Variants in CEP83 observed in about 807,000 individuals in gnomAD.
The protein encoded by CEP83 is centrosomal protein of 83 kDa.
A neutral mutation model predicts 101.9 loss-of-function variants in CEP83; 70 were observed. The ratio of observed to expected loss-of-function variants is 0.69; its 90% CI spans 0.57 to 0.84. The LOEUF is 0.84. Ranked by LOEUF, CEP83 falls within the 40% of genes least tolerant of loss-of-function variation. The probability of loss-of-function intolerance (pLI) is 0.00; values close to 1 mark genes in which losing one functional copy is unlikely to be tolerated. For synonymous variants in CEP83, 264 were observed against 267.9 expected (o/e 0.99, Z 0.14); for missense variants, 715 against 787.2 (o/e 0.91, Z 1.10).
At chr12:94,423,363 T>A (rs529182150) in intron 2 of CEP83, among the ~76,000 whole-genome samples, 26 of 151,960 alleles carry the variant, frequency 1.7e-4, no homozygotes, top group Admixed American at 3.3e-4. Flanking sequence ...GGATTACAGG[T>A]GTGAGCCACC....
At chr12:94,355,017 A>AG (rs796285214) in intron 11 of CEP83, among the ~76,000 whole-genome samples, 8 of 152,016 alleles carry the variant, frequency 5.3e-5, no homozygotes, top group African/African-American at 1.9e-4. Context: ...ACAAAACAAA[A>AG]AAAAACAGAA....
At chr12:94,436,362 G>A (rs1264068032) in intron 1 of CEP83, among the ~76,000 whole-genome samples, 1 of 151,604 alleles carries the variant, frequency 6.6e-6, no homozygotes, top group Non-Finnish European at 1.5e-5. Flanking sequence ...GGATGAAAAA[G>A]TCTCCAGAGA....
chr12:94,401,013 T>C, intron 5 of CEP83, 32 bp from the exon 6 acceptor site: 1 of 1,265,930 alleles, frequency 7.9e-7, no homozygotes. Flanking sequence ...CATAGATTTA[T>C]AAACAAAATT....
At chr12:94,346,119 G>A (rs1318584591) in intron 11 of CEP83, among the ~76,000 whole-genome samples, 5 of 151,832 alleles carry the variant, frequency 3.3e-5, no homozygotes, top group African/African-American at 7.3e-5. Flanking sequence ...GGCCAATCTC[G>A]GCTCACTGCA....
intron 14 of CEP83, among the ~76,000 whole-genome samples, chr12:94,313,546 AAAG>A (rs1407507344): frequency 6.6e-6 from 1 of 150,808 alleles, no homozygotes; most frequent in African/African-American, 2.4e-5. Context: ...AAAAAAAAAA[AAAG>A]GGTGGGGAGC....
the CEP83 span, among the ~76,000 whole-genome samples, chr12:94,283,696 G>C: frequency 6.6e-6 from 1 of 152,192 alleles, no homozygotes; most frequent in Non-Finnish European, 1.5e-5. Context: ...GGAAGTCAAA[G>C]CTGTCTTCTT....
intron 8 of CEP83, among the ~76,000 whole-genome samples, chr12:94,372,555 A>T (rs1160777242): frequency 1.3e-5 from 2 of 152,232 alleles, no homozygotes; most frequent in Non-Finnish European, 1.5e-5. Flanking sequence ...GCATTTCATT[A>T]ACAAACATAC....
chr12:94,297,242 C>G, the CEP83 span: 4 of 1,613,836 alleles, frequency 2.5e-6, no homozygotes, highest in African/African-American at 1.3e-5. Context: ...CTTTCTTGTG[C>G]TCACCACTGA....
chr12:94,333,276 AT>A (rs921531245), intron 13 of CEP83, among the ~76,000 whole-genome samples: 77 of 152,040 alleles, frequency 5.1e-4, no homozygotes, highest in Non-Finnish European at 7.5e-4. Context: ...TAATGTCTTA[AT>A]TTTTTTAAAA....
At chr12:94,424,515 C>G (rs981305293) in intron 2 of CEP83, 50 of 1,613,570 alleles carry the variant, frequency 3.1e-5, no homozygotes, top group Non-Finnish European at 4.1e-5. Flanking sequence ...AGCATCCCCT[C>G]CAGTTCCTGC....
chr12:94,391,658 G>A lies in CEP83; in HGVS notation c.549+9192C>T, dbSNP rs142051448. ...AACCTTAAATGTAAATGAGCTAAAT[G>A]CACCAATTAAAAGACACAGACTGGC... is the stretch of plus-strand genomic sequence containing the variant. On this transcript the variant is annotated intron_variant, in intron 6 of 16. Coordinates refer to ENST00000397809, the MANE Select transcript of CEP83 (RefSeq NM_016122.3). Among the ~76,000 whole-genome samples the A allele has an allele frequency of 9.4e-4, 143 of 152,230 alleles. 1 individual carries two copies. Among genetic ancestry groups the A allele is most frequent in the East Asian group, 5.6e-3 (29 of 5,184 alleles).
chr12:94,385,641 A>G (rs1238226449), intron 6 of CEP83, among the ~76,000 whole-genome samples: 1 of 152,198 alleles, frequency 6.6e-6, no homozygotes, highest in Non-Finnish European at 1.5e-5. Context: ...GAGTTCACCA[A>G]TGAACCCACC....
At chr12:94,320,379 G>A (rs2058697081) in intron 14 of CEP83, among the ~76,000 whole-genome samples, 1 of 152,072 alleles carries the variant, frequency 6.6e-6, no homozygotes, top group Admixed American at 6.5e-5. Flanking sequence ...ATTTGATCCT[G>A]TCATTGTGTT....
intron 1 of CEP83, among the ~76,000 whole-genome samples, chr12:94,448,195 A>G (rs1202665373): frequency 1.3e-5 from 2 of 152,154 alleles, no homozygotes; most frequent in East Asian, 1.9e-4. Flanking sequence ...AGATTTTAAG[A>G]TAAGAAATAT....
At position 94,409,479 on chromosome 12, in the gene CEP83, C is replaced by A. The variant is rs568994739; in HGVS notation, c.324+2218G>T. On this transcript the variant is annotated intron_variant, in intron 4 of 16. Coordinates refer to ENST00000397809, the MANE Select transcript of CEP83 (RefSeq NM_016122.3). Reference sequence around the variant, plus strand: ...GAGAAAATGTTTAACATACTTTAATCTATAAATACAATTGGATCACTTTAA... The same window carrying A: ...GAGAAAATGTTTAACATACTTTAATATATAAATACAATTGGATCACTTTAA... 1.8e-3 allele frequency among the ~76,000 whole-genome samples: 272 copies of A among 152,212 alleles called. 3 individuals carry two copies. Among genetic ancestry groups the A allele is most frequent in the Non-Finnish European group, 2.7e-3 (183 of 68,000 alleles).
At chr12:94,406,227 A>G (rs577490213) in intron 4 of CEP83, among the ~76,000 whole-genome samples, 14 of 152,230 alleles carry the variant, frequency 9.2e-5, no homozygotes, top group African/African-American at 3.4e-4. Flanking sequence ...GCTCAAGAAC[A>G]TGTATCAGAA....
intron 11 of CEP83, among the ~76,000 whole-genome samples, chr12:94,337,462 G>T (rs551755112): frequency 3.9e-5 from 6 of 152,212 alleles, no homozygotes; most frequent in East Asian, 1.9e-4. Flanking sequence ...ATGGGATAAT[G>T]AATCTTAAGA....
intron 11 of CEP83, among the ~76,000 whole-genome samples, chr12:94,343,474 T>A (rs1169930819): frequency 3.0e-5 from 1 of 33,442 alleles, no homozygotes; most frequent in Non-Finnish European, 6.1e-5. Context: ...AATTAACTTT[T>A]TTTTTTTTTT....
the CEP83 span, among the ~76,000 whole-genome samples, chr12:94,299,015 GT>G: frequency 6.6e-6 from 1 of 152,168 alleles, no homozygotes; most frequent in Non-Finnish European, 1.5e-5. Flanking sequence ...AAGATAAACT[GT>G]TATCTTTGGT....
Sources: allele counts gnomAD v4.1 joint callset (sites outside exome capture counted in the v4.1 genomes callset), GRCh38; gene constraint gnomAD v4.1.1; transcripts MANE v1.5; gene names NCBI Gene and HGNC (gene_info 2026-07-23, HGNC 2026-07-21).